Variants in IL22RA1 observed in about 807,000 individuals in gnomAD.
The protein encoded by IL22RA1 is interleukin 22 receptor subunit alpha 1.
Under a neutral mutation model 32.8 loss-of-function variants are expected in IL22RA1, and 25 were observed. The observed-to-expected ratio is 0.76, with a 90% confidence interval of 0.55 to 1.06. IL22RA1 has a LOEUF of 1.06. Among genes scored for constraint, IL22RA1 ranks in the 50% least tolerant of loss-of-function variants. The pLI is 0.00. For synonymous variants in IL22RA1, 305 were observed against 305.0 expected, an observed-to-expected ratio of 1.00 and a Z score of 0.00; for missense variants, 709 against 727.4, an observed-to-expected ratio of 0.97 and a Z score of 0.29.
intron 5 of IL22RA1, 59 bp from the exon 6 acceptor site, chr1:24,123,482 T>C: frequency 6.3e-7 from 1 of 1,581,150 alleles, no homozygotes; most frequent in Non-Finnish European, 8.6e-7. Context: ...CTGGGCCCGG[T>C]TGGGTCTGGC....
At position 24,138,639 on chromosome 1, in the gene IL22RA1, G is replaced by T. The variant is rs201599737; in HGVS notation, c.119C>A (p.Thr40Lys). 9.3e-6 allele frequency: 15 copies of T among 1,614,020 alleles called. No individual in the cohort carries two copies. The highest frequency in any genetic ancestry group is 1.2e-5 in the Non-Finnish European group (14 of 1,180,022). ...FQSSNFENIL[T>K]WDSGPEGTPD... Reference sequence around the variant, plus strand: ...GGTGCCCTCCGGCCCGCTGTCCCACGTCAGGATGTTTTCAAAGTTGCTGGA... The same window carrying T: ...GGTGCCCTCCGGCCCGCTGTCCCACTTCAGGATGTTTTCAAAGTTGCTGGA... The change falls in exon 2 of 7, where the codon ACG becomes AAG. Residue 40 changes from threonine (T) to lysine (K), a missense_variant. Coordinates refer to ENST00000270800, the MANE Select transcript of IL22RA1 (RefSeq NM_021258.4).
Position 24,134,323 on chromosome 1 carries a change from T to G in IL22RA1, c.419A>C (p.His140Pro). ...SKVRSIQMIV[H>P]PTPTPIRAGD... ...TGCACGGATTGGCGTGGGGGTAGGA[T>G]GAACAATCATCTGAATCGATCTCAC... Residue 140 changes from histidine to proline, a missense_variant, in exon 4 of 7, where the codon CAT becomes CCT. Physicochemically the swap from His to Pro is moderately conservative, Grantham distance 77. Transcript: ENST00000270800. The G allele has an allele frequency of 6.2e-7, 1 of 1,604,690 alleles. No homozygotes were observed. Among genetic ancestry groups the G allele is most frequent in the Non-Finnish European group, 8.5e-7 (1 of 1,175,414 alleles).
intron 2 of IL22RA1, 109 bp downstream of exon 2, chr1:24,138,473 G>C: frequency 8.3e-7 from 1 of 1,200,158 alleles, no homozygotes; most frequent in Non-Finnish European, 1.2e-6. Context: ...GGGGCTATGT[G>C]ACACCAGTCC....
At chr1:24,131,698 A>ACCAATTGAC (rs1644205709) in intron 4 of IL22RA1, among the ~76,000 whole-genome samples, 1 of 152,244 alleles carries the variant, frequency 6.6e-6, no homozygotes, top group East Asian at 1.9e-4. Flanking sequence ...CAATTAAACG[A>ACCAATTGAC]CCAATTGACC....
At chr1:24,138,465 G>C in intron 2 of IL22RA1, 117 bp downstream of exon 2, 1 of 1,056,978 alleles carries the variant, frequency 9.5e-7, no homozygotes, top group Non-Finnish European at 1.4e-6. Flanking sequence ...ATCTGGGAGG[G>C]GCTATGTGAC....
rs183317591 is a variant in IL22RA1, at chr1:24,126,269, T to C, written c.670+1872A>G. On this transcript the variant is annotated intron_variant, in intron 5 of 6. Transcript: ENST00000270800. ...CCATGCAAGTGGCCAGTGTTGGCTG[T>C]TCCGTGAGGCATAGCTCCCCTGCCA... Among the ~76,000 whole-genome samples the C allele has an allele frequency of 1.2e-4, 18 of 152,378 alleles. 1 individual carries two copies. The East Asian group carries it at 2.9e-3, about 24-fold the overall frequency.
chr1:24,140,955 C>T (rs776457830), intron 1 of IL22RA1, among the ~76,000 whole-genome samples: 18 of 152,216 alleles, frequency 1.2e-4, no homozygotes, highest in Non-Finnish European at 2.4e-4. Flanking sequence ...ATTGATTCCC[C>T]TACTCCAACT....
chr1:24,137,360 T>C, intron 2 of IL22RA1, 51 bp from the exon 3 acceptor site: 1 of 1,555,750 alleles, frequency 6.4e-7, no homozygotes, highest in South Asian at 1.1e-5. Context: ...AGGCCAGCGC[T>C]AGGCCTGTGG....
chr1:24,123,629 G>T, intron 5 of IL22RA1: 1 of 1,155,066 alleles, frequency 8.7e-7, no homozygotes, highest in Non-Finnish European at 1.2e-6. Flanking sequence ...TTTTTACACT[G>T]TTAAATAAAT....
chr1:24,122,898 A>C (rs1183524335), intron 6 of IL22RA1, among the ~76,000 whole-genome samples: 1 of 152,218 alleles, frequency 6.6e-6, no homozygotes, highest in Admixed American at 6.5e-5. Context: ...AAAAACATGA[A>C]GATCAGGCAG....
At chr1:24,127,731 A>T (rs1042033771) in intron 5 of IL22RA1, among the ~76,000 whole-genome samples, 2 of 152,190 alleles carry the variant, frequency 1.3e-5, no homozygotes, top group Non-Finnish European at 2.9e-5. Flanking sequence ...CCTGGTTCCC[A>T]GTTAGCACTG....
intron 5 of IL22RA1, among the ~76,000 whole-genome samples, chr1:24,124,946 T>A (rs531419276): frequency 6.6e-6 from 1 of 152,286 alleles, no homozygotes; most frequent in South Asian, 2.1e-4. Flanking sequence ...ACACTGTGTG[T>A]ATTGGATACA....
At chr1:24,134,609 G>A (rs1452919105) in intron 3 of IL22RA1, among the ~76,000 whole-genome samples, 1 of 152,158 alleles carries the variant, frequency 6.6e-6, no homozygotes, top group African/African-American at 2.4e-5. Context: ...AAGAGTGGAT[G>A]AGAAGAACTC....
At position 24,137,220 on chromosome 1, in the gene IL22RA1, G is replaced by A. The variant is rs1475503449; in HGVS notation, c.266C>T (p.Thr89Met). 11 of 1,613,992 alleles carry A rather than the reference G, an allele frequency of 6.8e-6. No individual in the cohort carries two copies. The highest frequency in any genetic ancestry group is 4.0e-5 in the African/African-American group (3 of 74,912). ...CNLTVETGNL[T>M]ELYYARVTAV... is the part of the protein sequence containing the mutation. Reference sequence around the variant, plus strand: ...GGTGACCCTGGCATAGTAGAGCTCCGTGAGGTTGCCCGTCTCCACCGTCAG... The same window carrying A: ...GGTGACCCTGGCATAGTAGAGCTCCATGAGGTTGCCCGTCTCCACCGTCAG... The change falls in exon 3 of 7, where the codon ACG becomes ATG. Residue 89 changes from threonine (T) to methionine (M), a missense_variant. Thr to Met is a moderately conservative substitution (Grantham distance 81, BLOSUM62 -1). Coordinates refer to ENST00000270800, the MANE Select transcript of IL22RA1 (RefSeq NM_021258.4).
chr1:24,128,083 G>C, intron 5 of IL22RA1, 58 bp downstream of exon 5: 1 of 1,468,990 alleles, frequency 6.8e-7, no homozygotes, highest in East Asian at 2.5e-5. Context: ...GGAGGAAAGA[G>C]AAGAGTCAAG....
At chr1:24,137,823 G>C (rs1357540437) in intron 2 of IL22RA1, among the ~76,000 whole-genome samples, 1 of 152,102 alleles carries the variant, frequency 6.6e-6, no homozygotes, top group Non-Finnish European at 1.5e-5. Flanking sequence ...AGCCTATTCT[G>C]TTTATTTTTC....
rs1221251297 is a variant in IL22RA1 at position 24,120,567 on chromosome 1, T to A, written c.*238A>T. The A allele has an allele frequency of 4.1e-6, 2 of 490,502 alleles. No homozygotes were observed. The allele number at this position is 490,502 out of a possible 1,614,324, so 30.4% of individuals were successfully genotyped here. Reference sequence around the variant, plus strand: ...CTTGCAGGGCTCAGCGAGCACGCGCTTGTCTACACAAGCTGCTCCCCAGAG... The same window carrying A: ...CTTGCAGGGCTCAGCGAGCACGCGCATGTCTACACAAGCTGCTCCCCAGAG... On this transcript the variant is annotated 3_prime_UTR_variant, in exon 7 of 7. Coordinates refer to ENST00000270800, the MANE Select transcript of IL22RA1 (RefSeq NM_021258.4).
At chr1:24,138,890 C>G (rs1644261851) in intron 1 of IL22RA1, among the ~76,000 whole-genome samples, 176 bp from the exon 2 acceptor site, 1 of 152,210 alleles carries the variant, frequency 6.6e-6, no homozygotes, top group Non-Finnish European at 1.5e-5. Flanking sequence ...ACAAATGGAC[C>G]AGCAAGAGGG....
At chr1:24,136,361 G>A (rs993390858) in intron 3 of IL22RA1, among the ~76,000 whole-genome samples, 2 of 152,236 alleles carry the variant, frequency 1.3e-5, no homozygotes, top group Admixed American at 1.3e-4. Flanking sequence ...GGGGGAGGCA[G>A]ATGATAACAT....
Sources: gnomAD v4.1 joint callset for allele counts (sites outside exome capture counted in the v4.1 genomes callset) on GRCh38, gnomAD v4.1.1 for gene constraint, MANE v1.5 for transcripts, NCBI Gene and HGNC (gene_info 2026-07-23, HGNC 2026-07-21) for gene names.